The following HEMK2 variants were observed in gnomAD, a reference collection of about 807,000 sequenced individuals.
HEMK2 encodes the protein HemK methyltransferase 2, ETF1 glutamine and histone H4 lysine, also known as methyltransferase HEMK2.
the HEMK2 span, among the ~76,000 whole-genome samples, chr21:28,658,505 G>A: frequency 1.3e-5 from 2 of 152,040 alleles, no homozygotes; most frequent in Non-Finnish European, 2.9e-5. Context: ...AAGGTCTTCT[G>A]CCTGTGCAAT....
chr21:28,753,650 T>C, the HEMK2 span, among the ~76,000 whole-genome samples: 29,441 of 152,168 alleles, frequency 0.19, 3,567 homozygotes, highest in African/African-American at 0.34. Context: ...ACTTCATCTC[T>C]AAGGGTAGCC....
chr21:28,760,108 C>T, the HEMK2 span, among the ~76,000 whole-genome samples: 1 of 152,142 alleles, frequency 6.6e-6, no homozygotes, highest in African/African-American at 2.4e-5. Context: ...TTGTCCAAGG[C>T]ATCTTACTGC....
the HEMK2 span, among the ~76,000 whole-genome samples, chr21:28,762,859 G>A: frequency 6.2e-3 from 940 of 152,154 alleles, 11 homozygotes; most frequent in African/African-American, 0.021. Context: ...TACTCCATCC[G>A]TCATATGGTG....
chr21:28,883,491 C>T, the HEMK2 span, among the ~76,000 whole-genome samples: 210 of 152,210 alleles, frequency 1.4e-3, no homozygotes, highest in Admixed American at 2.5e-3. Flanking sequence ...GTTCCTCTAT[C>T]ATTTTTAATA....
chr21:28,648,833 G>T, the HEMK2 span, among the ~76,000 whole-genome samples: 1 of 151,750 alleles, frequency 6.6e-6, no homozygotes, highest in Non-Finnish European at 1.5e-5. Context: ...TGTGCACAAC[G>T]TGCAGGTTAG....
the HEMK2 span, among the ~76,000 whole-genome samples, chr21:28,837,961 A>G: frequency 1.6e-4 from 24 of 152,280 alleles, no homozygotes; most frequent in African/African-American, 5.3e-4. Context: ...ACATTTCTGG[A>G]AAAACAAAAC....
chr21:28,699,470 G>C, the HEMK2 span, among the ~76,000 whole-genome samples: 1 of 152,178 alleles, frequency 6.6e-6, no homozygotes, highest in Non-Finnish European at 1.5e-5. Flanking sequence ...TTATCAGTCA[G>C]CTGAGTTTGA....
chr21:28,722,172 AG>A, the HEMK2 span, among the ~76,000 whole-genome samples: 1 of 152,064 alleles, frequency 6.6e-6, no homozygotes, highest in Non-Finnish European at 1.5e-5. Flanking sequence ...GCAGGTCAAA[AG>A]GTAGGAAGAT....
At chr21:28,848,101 C>T in the HEMK2 span, among the ~76,000 whole-genome samples, 5 of 152,102 alleles carry the variant, frequency 3.3e-5, no homozygotes, top group East Asian at 1.9e-4. Context: ...TTTGGCTATT[C>T]GAGCTCTTTT....
At chr21:28,598,996 G>T in the HEMK2 span, among the ~76,000 whole-genome samples, 1 of 152,176 alleles carries the variant, frequency 6.6e-6, no homozygotes, top group Non-Finnish European at 1.5e-5. Context: ...ACATGATGTT[G>T]GAGTACAGCA....
At chr21:28,838,262 C>T in the HEMK2 span, among the ~76,000 whole-genome samples, 22 of 152,082 alleles carry the variant, frequency 1.4e-4, no homozygotes, top group African/African-American at 5.3e-4. Context: ...AGGACGGGTG[C>T]GGTGGCTCAC....
chr21:28,730,624 T>C, the HEMK2 span, among the ~76,000 whole-genome samples: 1,662 of 152,214 alleles, frequency 0.011, 27 homozygotes, highest in African/African-American at 0.038. Flanking sequence ...CTCAGTTTCT[T>C]GCTGGCTGTT....
At chr21:28,634,247 A>C in the HEMK2 span, among the ~76,000 whole-genome samples, 1 of 152,098 alleles carries the variant, frequency 6.6e-6, no homozygotes, top group African/African-American at 2.4e-5. Flanking sequence ...TTGGAAGGAG[A>C]CTGGGAAGTG....
chr21:28,878,161 A>G, the HEMK2 span: 1 of 1,498,514 alleles, frequency 6.7e-7, no homozygotes, highest in Non-Finnish European at 9.0e-7. Context: ...CAGCAACATA[A>G]ATGCTTAAAC....
the HEMK2 span, among the ~76,000 whole-genome samples, chr21:28,784,647 C>G: frequency 1.3e-5 from 2 of 152,154 alleles, no homozygotes. Flanking sequence ...ATGCACCAAT[C>G]AGTGCTCTGT....
chr21:28,805,749 C>T, the HEMK2 span, among the ~76,000 whole-genome samples: 3,441 of 151,946 alleles, frequency 0.023, 54 homozygotes, highest in Non-Finnish European at 0.024. Flanking sequence ...CTGATTCTTT[C>T]GGCTGGGTAG....
At chr21:28,711,827 G>A in the HEMK2 span, among the ~76,000 whole-genome samples, 50,466 of 151,926 alleles carry the variant, frequency 0.33, 9,621 homozygotes, top group African/African-American at 0.51. Context: ...GAGGCTGAAA[G>A]TACAAGATCA....
the HEMK2 span, among the ~76,000 whole-genome samples, chr21:28,632,078 A>G: frequency 6.6e-6 from 1 of 152,242 alleles, no homozygotes; most frequent in Non-Finnish European, 1.5e-5. Context: ...ACTAGTCAAT[A>G]TCTTACTGAA....
chr21:28,853,933 A>G, the HEMK2 span, among the ~76,000 whole-genome samples: 4 of 152,250 alleles, frequency 2.6e-5, no homozygotes, highest in African/African-American at 9.6e-5. Context: ...GAGGTTGTAC[A>G]TGCACCTTTC....
Sources: gnomAD v4.1 joint callset for allele counts (sites outside exome capture counted in the v4.1 genomes callset) on GRCh38, gnomAD v4.1.1 for gene constraint, MANE v1.5 for transcripts, NCBI Gene and HGNC (gene_info 2026-07-23, HGNC 2026-07-21) for gene names.